Variants in UGT8 observed in about 807,000 individuals in gnomAD.
UGT8 encodes UDP glycosyltransferase 8, also known as 2-hydroxyacylsphingosine 1-beta-galactosyltransferase.
Under a neutral mutation model 40.5 loss-of-function variants are expected in UGT8, and 12 were observed. The observed-to-expected ratio is 0.30, with a 90% CI of 0.19 to 0.48. The LOEUF is 0.48. UGT8 is among the 20% of genes least tolerant of loss of function. The pLI is 0.99. For synonymous variants in UGT8, 224 were observed against 240.4 expected, an observed-to-expected ratio of 0.93 and a Z score of 0.63; for missense variants, 513 against 648.7, an observed-to-expected ratio of 0.79 and a Z score of 2.27.
intron 2 of UGT8, among the ~76,000 whole-genome samples, chr4:114,639,816 C>T (rs1733099044): frequency 6.6e-6 from 1 of 152,208 alleles, no homozygotes; most frequent in Non-Finnish European, 1.5e-5. Context: ...AAACCTACTT[C>T]TCCTTAGTTG....
intron 1 of UGT8, among the ~76,000 whole-genome samples, chr4:114,615,163 G>A (rs999484421): frequency 6.6e-6 from 1 of 151,222 alleles, no homozygotes; most frequent in African/African-American, 2.4e-5. Flanking sequence ...TCACATGGTG[G>A]GATATGAGTA....
At chr4:114,649,033 G>A (rs1291440532) in intron 2 of UGT8, among the ~76,000 whole-genome samples, 1 of 152,084 alleles carries the variant, frequency 6.6e-6, no homozygotes, top group Non-Finnish European at 1.5e-5. Flanking sequence ...TCTTCAGCTG[G>A]AAAATAAATT....
At chr4:114,636,384 T>A (rs900342918) in intron 2 of UGT8, among the ~76,000 whole-genome samples, 52 of 152,218 alleles carry the variant, frequency 3.4e-4, no homozygotes, top group African/African-American at 1.3e-3. Flanking sequence ...TAGCATTTAA[T>A]CATGCTAAGA....
chr4:114,667,984 A>G, intron 4 of UGT8, 101 bp from the exon 5 acceptor site: 1 of 1,489,224 alleles, frequency 6.7e-7, no homozygotes, highest in Non-Finnish European at 8.9e-7. Flanking sequence ...TTTATCTGAA[A>G]TGCATGTTTA....
At position 114,622,942 on chromosome 4, in the gene UGT8, C is replaced by A. The variant is rs1230493110; in HGVS notation, c.62C>A (p.Ala21Asp). ...LWSAVGIAKA[A>D]KIIIVPPIMF... is the part of the protein sequence containing the mutation. ...AGTGCTGTTGGGATAGCGAAGGCTG[C>A]CAAAATCATCATCGTGCCGCCAATT... is the stretch of plus-strand genomic sequence containing the variant. Residue 21 changes from alanine (A) to aspartate (D), a missense_variant, in exon 2 of 6, where the codon GCC (alanine) becomes GAC (aspartate). Transcript: ENST00000310836. 3 of 1,614,014 alleles carry A rather than the reference C, an allele frequency of 1.9e-6. No individual in the cohort carries two copies. The highest frequency in any genetic ancestry group is 2.5e-6 in the Non-Finnish European group (3 of 1,179,976).
chr4:114,617,704 G>T (rs1170767914), intron 1 of UGT8, among the ~76,000 whole-genome samples: 7 of 152,180 alleles, frequency 4.6e-5, no homozygotes, highest in Non-Finnish European at 1.0e-4. Context: ...TGGAAAATGG[G>T]CATTTGTATG....
At chr4:114,601,083 C>T (rs996405865) in intron 1 of UGT8, among the ~76,000 whole-genome samples, 1 of 152,176 alleles carries the variant, frequency 6.6e-6, no homozygotes, top group African/African-American at 2.4e-5. Context: ...TACTACTATA[C>T]AGGTTCAAAC....
intron 1 of UGT8, among the ~76,000 whole-genome samples, chr4:114,601,834 T>G (rs982295049): frequency 5.3e-5 from 8 of 151,978 alleles, no homozygotes; most frequent in Non-Finnish European, 8.8e-5. Context: ...TTTATGTTTT[T>G]TTTTTTTTTC....
chr4:114,646,368 TATATC>T (rs1262777686), intron 2 of UGT8, among the ~76,000 whole-genome samples: 4 of 151,344 alleles, frequency 2.6e-5, no homozygotes, highest in African/African-American at 9.7e-5. Flanking sequence ...TATACATACA[TATATC>T]TATATCTATA....
At chr4:114,613,543 G>A (rs114513143) in intron 1 of UGT8, among the ~76,000 whole-genome samples, 1,935 of 152,182 alleles carry the variant, frequency 0.013, 29 homozygotes, top group African/African-American at 0.035. Flanking sequence ...GGAATTGTTT[G>A]TTCTGAGTTC....
chr4:114,611,477 A>G (rs1328075161), intron 1 of UGT8, among the ~76,000 whole-genome samples: 2 of 140,618 alleles, frequency 1.4e-5, no homozygotes, highest in Non-Finnish European at 3.0e-5. Context: ...AGATATATAT[A>G]ATATCTATAT....
chr4:114,603,838 G>T (rs151229057), intron 1 of UGT8, among the ~76,000 whole-genome samples: 9 of 152,314 alleles, frequency 5.9e-5, no homozygotes, highest in Admixed American at 2.0e-4. Flanking sequence ...CTGTTTTATG[G>T]AAACCAGGAC....
chr4:114,611,246 A>G (rs1185385052), intron 1 of UGT8, among the ~76,000 whole-genome samples: 1 of 151,832 alleles, frequency 6.6e-6, no homozygotes, highest in African/African-American at 2.4e-5. Context: ...TTGTGTAAAG[A>G]TGGGATCAGA....
At chr4:114,641,296 G>A (rs1322231003) in intron 2 of UGT8, among the ~76,000 whole-genome samples, 1 of 152,066 alleles carries the variant, frequency 6.6e-6, no homozygotes, top group Non-Finnish European at 1.5e-5. Context: ...CCTTTCATCC[G>A]TGGGAGAAAT....
chr4:114,669,688 G>A (rs1249215913), intron 5 of UGT8, among the ~76,000 whole-genome samples: 1 of 152,148 alleles, frequency 6.6e-6, no homozygotes, highest in Non-Finnish European at 1.5e-5. Flanking sequence ...TCCAGCTATA[G>A]AATATTGAAG....
At chr4:114,604,370 A>G (rs1221816266) in intron 1 of UGT8, among the ~76,000 whole-genome samples, 1 of 151,972 alleles carries the variant, frequency 6.6e-6, no homozygotes, top group Admixed American at 6.5e-5. Flanking sequence ...GCACCTCTAT[A>G]CCTCATAGGG....
At chr4:114,670,381 A>G (rs549518298) in intron 5 of UGT8, among the ~76,000 whole-genome samples, 63 of 131,928 alleles carry the variant, frequency 4.8e-4, no homozygotes, top group African/African-American at 1.7e-3. Context: ...CAGTGAGCCG[A>G]GATTGCACCA....
intron 2 of UGT8, among the ~76,000 whole-genome samples, chr4:114,627,431 C>T (rs974236942): frequency 6.6e-6 from 1 of 151,516 alleles, no homozygotes; most frequent in South Asian, 2.1e-4. Flanking sequence ...GCTAATTTTT[C>T]GTATTTTTAG....
intron 1 of UGT8, among the ~76,000 whole-genome samples, chr4:114,615,064 T>A (rs1335553288): frequency 3.9e-5 from 6 of 152,188 alleles, no homozygotes; most frequent in African/African-American, 1.4e-4. Flanking sequence ...AAACGAGGGC[T>A]ATTTAACAAC....
Sources: allele counts gnomAD v4.1 joint callset (sites outside exome capture counted in the v4.1 genomes callset), GRCh38; gene constraint gnomAD v4.1.1; transcripts MANE v1.5; gene names NCBI Gene and HGNC (gene_info 2026-07-23, HGNC 2026-07-21).